Variants in CLSTN2 observed in about 807,000 individuals in gnomAD.
The protein encoded by CLSTN2 is calsyntenin 2.
CLSTN2 carries 48 observed loss-of-function variants against 101.2 expected under a neutral mutation model. The observed-to-expected ratio is 0.47, with a 90% confidence interval of 0.38 to 0.60. The LOEUF is 0.60. Ranked by LOEUF, CLSTN2 falls within the 20% of genes least tolerant of loss-of-function variation. CLSTN2 has a pLI of 0.00. For synonymous variants in CLSTN2, 481 were observed against 463.6 expected (o/e 1.04, Z -0.48); for missense variants, 1,160 against 1,238.2 (o/e 0.94, Z 0.95).
At chr3:140,193,460 T>C (rs1056635512) in intron 2 of CLSTN2, among the ~76,000 whole-genome samples, 3 of 151,950 alleles carry the variant, frequency 2.0e-5, no homozygotes, top group Non-Finnish European at 4.4e-5. Context: ...TGAAAAATGT[T>C]GTGCCCTTCC....
intron 2 of CLSTN2, among the ~76,000 whole-genome samples, chr3:140,262,369 G>A (rs114393726): frequency 1.8e-3 from 279 of 152,346 alleles, no homozygotes; most frequent in African/African-American, 6.6e-3. Context: ...CTGCCCAGGG[G>A]CAGGCATGGC....
chr3:140,009,752 T>A (rs552308113), intron 1 of CLSTN2, among the ~76,000 whole-genome samples: 1 of 152,396 alleles, frequency 6.6e-6, no homozygotes, highest in South Asian at 2.1e-4. Flanking sequence ...TGCATGCTTA[T>A]CTGATCAGTT....
chr3:140,566,486 G>T lies in CLSTN2; in HGVS notation c.*233G>T, dbSNP rs1936030204. The T allele has an allele frequency of 5.3e-6, 3 of 564,152 alleles. No homozygotes were observed. Among genetic ancestry groups the T allele is most frequent in the Non-Finnish European group, 9.5e-6 (3 of 316,224 alleles). The allele number at this position is 564,152 out of a possible 1,614,324, so 34.9% of individuals were successfully genotyped here. A position where few individuals can be genotyped will look rare whatever the true frequency, so the allele number is the denominator to read the frequency against. ...AGGACTTCAGGGTAGACTTTGTCCTGTAGCCTCCACTTCTGCCCTAAGTTC... is the reference window on the plus strand; with the variant it reads ...AGGACTTCAGGGTAGACTTTGTCCTTTAGCCTCCACTTCTGCCCTAAGTTC... On this transcript the variant is annotated 3_prime_UTR_variant, in exon 17 of 17. Coordinates refer to ENST00000458420, the MANE Select transcript of CLSTN2 (RefSeq NM_022131.3).
intron 15 of CLSTN2, 64 bp from the exon 16 acceptor site, chr3:140,563,897 C>T (rs1052604135): frequency 2.7e-6 from 4 of 1,508,462 alleles, no homozygotes; most frequent in Non-Finnish European, 3.7e-6. Flanking sequence ...TTCATTCATG[C>T]TCCCTCACAA....
chr3:140,560,794 G>A (rs144924126), intron 12 of CLSTN2, among the ~76,000 whole-genome samples: 3 of 152,092 alleles, frequency 2.0e-5, no homozygotes, highest in African/African-American at 4.8e-5. Context: ...AGGACGATAT[G>A]ACCAGACCTG....
intron 2 of CLSTN2, among the ~76,000 whole-genome samples, chr3:140,238,785 A>G (rs1230080688): frequency 1.3e-5 from 2 of 152,304 alleles, no homozygotes; most frequent in East Asian, 3.9e-4. Flanking sequence ...TGGTGATTAA[A>G]AAATGTCAGC....
chr3:140,144,602 C>A (rs141402533), intron 1 of CLSTN2, among the ~76,000 whole-genome samples: 1 of 151,878 alleles, frequency 6.6e-6, no homozygotes, highest in Non-Finnish European at 1.5e-5. Context: ...GGCATCAGAG[C>A]GAGACTTCAT....
intron 2 of CLSTN2, among the ~76,000 whole-genome samples, chr3:140,293,262 G>A (rs2086971088): frequency 6.6e-6 from 1 of 151,494 alleles, no homozygotes; most frequent in African/African-American, 2.4e-5. Flanking sequence ...AGTGACAGAG[G>A]AGAGGAGAGC....
At chr3:140,165,147 A>G (rs1309476557) in intron 1 of CLSTN2, among the ~76,000 whole-genome samples, 5 of 152,170 alleles carry the variant, frequency 3.3e-5, no homozygotes, top group Admixed American at 3.3e-4. Context: ...AGTCACACAC[A>G]TGGGATTTGT....
intron 1 of CLSTN2, among the ~76,000 whole-genome samples, chr3:140,044,137 G>A (rs530442678): frequency 0.013 from 1,909 of 152,136 alleles, 47 homozygotes; most frequent in African/African-American, 0.042. Context: ...CCATTTTCAC[G>A]ATATTGATTC....
intron 1 of CLSTN2, among the ~76,000 whole-genome samples, chr3:140,024,577 C>T (rs563450233): frequency 1.3e-5 from 2 of 152,336 alleles, no homozygotes; most frequent in Admixed American, 6.5e-5. Context: ...CACCCTGCAG[C>T]TCAGGCTGCA....
At chr3:140,105,166 T>A (rs1418019149) in intron 1 of CLSTN2, among the ~76,000 whole-genome samples, 1 of 152,212 alleles carries the variant, frequency 6.6e-6, no homozygotes, top group Non-Finnish European at 1.5e-5. Flanking sequence ...TTCTTTAAAT[T>A]CATCCTCTTA....
intron 1 of CLSTN2, among the ~76,000 whole-genome samples, chr3:140,126,337 T>C (rs1461902993): frequency 6.6e-6 from 1 of 151,848 alleles, no homozygotes; most frequent in African/African-American, 2.4e-5. Flanking sequence ...GAGCTGGAGT[T>C]TGAGGATGAA....
intron 9 of CLSTN2, among the ~76,000 whole-genome samples, chr3:140,540,448 A>G (rs1935453075): frequency 1.3e-5 from 2 of 152,220 alleles, no homozygotes; most frequent in Admixed American, 1.3e-4. Context: ...TCTATTACAC[A>G]CTTCACTTAG....
chr3:140,198,714 C>T (rs143864564), intron 2 of CLSTN2, among the ~76,000 whole-genome samples: 132 of 152,214 alleles, frequency 8.7e-4, no homozygotes, highest in Admixed American at 3.1e-3. Context: ...CAACAGGTGA[C>T]GTTTAGGCCA....
chr3:140,367,171 G>T (rs557916957), intron 2 of CLSTN2, among the ~76,000 whole-genome samples: 2 of 152,204 alleles, frequency 1.3e-5, no homozygotes, highest in South Asian at 4.1e-4. Context: ...ACAGGGAAAT[G>T]TATTTGGAAC....
intron 1 of CLSTN2, among the ~76,000 whole-genome samples, chr3:139,962,160 A>G (rs1040151821): frequency 6.6e-6 from 1 of 152,208 alleles, no homozygotes; most frequent in East Asian, 1.9e-4. Flanking sequence ...ATCAAAGAAT[A>G]AAAACATTTT....
chr3:140,533,474 C>T (rs929246431), intron 9 of CLSTN2, among the ~76,000 whole-genome samples: 2 of 152,166 alleles, frequency 1.3e-5, no homozygotes, highest in Middle Eastern at 6.8e-3. Flanking sequence ...CTTTGGGAGG[C>T]CAAAGCGGGC....
intron 16 of CLSTN2, 89 bp downstream of exon 16, chr3:140,564,234 C>G (rs946970156): frequency 1.7e-6 from 2 of 1,209,236 alleles, no homozygotes; most frequent in African/African-American, 3.0e-5. Context: ...CAGCCCCATA[C>G]CCCCTCCTTC....
Sources: gnomAD v4.1 joint callset for allele counts (sites outside exome capture counted in the v4.1 genomes callset) on GRCh38, gnomAD v4.1.1 for gene constraint, MANE v1.5 for transcripts, NCBI Gene and HGNC (gene_info 2026-07-23, HGNC 2026-07-21) for gene names.